Variants in FBXW10B observed in about 807,000 individuals in gnomAD.
FBXW10B encodes the protein F-box and WD repeat domain containing 10B.
chr17:15,588,181 G>A, the FBXW10B span, among the ~76,000 whole-genome samples: 1 of 152,200 alleles, frequency 6.6e-6, no homozygotes, highest in Non-Finnish European at 1.5e-5. Context: ...AAAATCCCGT[G>A]TCCATAAGTC....
chr17:15,615,602 C>T, the FBXW10B span: 246 of 1,610,990 alleles, frequency 1.5e-4, no homozygotes, highest in Non-Finnish European at 1.9e-4. Context: ...CGTGAGCCAC[C>T]GCACCTAGCC....
the FBXW10B span, among the ~76,000 whole-genome samples, chr17:15,615,090 C>T: frequency 2.9e-4 from 44 of 152,070 alleles, no homozygotes; most frequent in South Asian, 1.7e-3. Context: ...GGCACTGCAG[C>T]GGAGAGGTGC....
the FBXW10B span, chr17:15,619,596 A>G: frequency 2.0e-6 from 3 of 1,527,922 alleles, no homozygotes; most frequent in Non-Finnish European, 2.6e-6. Context: ...GGGGAAATGA[A>G]TAAATACCCC....
chr17:15,587,976 A>G, the FBXW10B span, among the ~76,000 whole-genome samples: 8 of 152,204 alleles, frequency 5.3e-5, no homozygotes, highest in East Asian at 1.5e-3. Context: ...GAAAGAATAA[A>G]TAAACATGCA....
the FBXW10B span, among the ~76,000 whole-genome samples, chr17:15,568,143 G>A: frequency 1.3e-5 from 2 of 152,186 alleles, no homozygotes; most frequent in African/African-American, 4.8e-5. Flanking sequence ...AAATAACATG[G>A]TCTTCATTCT....
the FBXW10B span, among the ~76,000 whole-genome samples, chr17:15,599,164 ACT>A: frequency 2.4e-5 from 3 of 123,486 alleles, no homozygotes; most frequent in Admixed American, 2.9e-4. Flanking sequence ...ATAGAGCGAG[ACT>A]CTGTCTCAAA....
the FBXW10B span, chr17:15,569,001 A>G: frequency 4.9e-6 from 6 of 1,214,840 alleles, no homozygotes; most frequent in South Asian, 4.2e-5. Flanking sequence ...CTTCCACTCA[A>G]CTGGCAGATA....
chr17:15,566,755 G>A, the FBXW10B span, among the ~76,000 whole-genome samples: 2 of 151,534 alleles, frequency 1.3e-5, no homozygotes, highest in Non-Finnish European at 3.0e-5. Context: ...TAGTAGAGAC[G>A]GGGTTTCACC....
the FBXW10B span, chr17:15,619,223 T>C: frequency 6.2e-7 from 1 of 1,614,020 alleles, no homozygotes; most frequent in Non-Finnish European, 8.5e-7. Context: ...TTTCCCCTCT[T>C]TCTTGCTGAG....
chr17:15,610,661 G>A, the FBXW10B span, among the ~76,000 whole-genome samples: 1 of 152,130 alleles, frequency 6.6e-6, no homozygotes, highest in Admixed American at 6.5e-5. Context: ...AAATTCATGA[G>A]ACTAGAAAGG....
the FBXW10B span, chr17:15,605,101 T>TTTC: frequency 1.3e-6 from 2 of 1,500,180 alleles, no homozygotes; most frequent in Non-Finnish European, 1.8e-6. Flanking sequence ...GAAGGTATTC[T>TTTC]AGAAGTCAGT....
chr17:15,608,307 G>A, the FBXW10B span, among the ~76,000 whole-genome samples: 19,589 of 130,926 alleles, frequency 0.15, 1,808 homozygotes, highest in East Asian at 0.31. Context: ...GACTACAAGC[G>A]TGCACCACCA....
chr17:15,604,789 G>A, the FBXW10B span, among the ~76,000 whole-genome samples: 4 of 151,630 alleles, frequency 2.6e-5, no homozygotes, highest in African/African-American at 7.3e-5. Context: ...CGCCCACCTC[G>A]GCCTCCCAAA....
the FBXW10B span, chr17:15,588,591 C>T: frequency 1.0e-5 from 4 of 388,440 alleles, no homozygotes; most frequent in Non-Finnish European, 2.0e-5. Flanking sequence ...TATATGAATC[C>T]AGAACACTCT....
the FBXW10B span, chr17:15,612,833 C>A: frequency 0.01 from 16,323 of 1,582,448 alleles, 352 homozygotes; most frequent in East Asian, 0.11. Context: ...CCTGGAAAAA[C>A]AAAAAAAAAC....
the FBXW10B span, among the ~76,000 whole-genome samples, chr17:15,591,105 G>A: frequency 6.6e-6 from 1 of 152,136 alleles, no homozygotes; most frequent in Non-Finnish European, 1.5e-5. Context: ...AGAGGCCCTT[G>A]TCACACTTCC....
chr17:15,602,600 ATT>A, the FBXW10B span, among the ~76,000 whole-genome samples: 9 of 74,378 alleles, frequency 1.2e-4, no homozygotes, highest in African/African-American at 4.6e-4. Flanking sequence ...TCATATTGAG[ATT>A]TTTTTTTTTT....
chr17:15,601,931 A>T, the FBXW10B span, among the ~76,000 whole-genome samples: 26 of 152,168 alleles, frequency 1.7e-4, no homozygotes, highest in East Asian at 3.1e-3. Flanking sequence ...GCTAGCACAG[A>T]GAAACCTTGT....
chr17:15,586,126 G>T, the FBXW10B span, among the ~76,000 whole-genome samples: 1 of 151,650 alleles, frequency 6.6e-6, no homozygotes, highest in Non-Finnish European at 1.5e-5. Flanking sequence ...CAATTGAGAC[G>T]TCTATGGTAT....
Sources: gnomAD v4.1 joint callset for allele counts (sites outside exome capture counted in the v4.1 genomes callset) on GRCh38, gnomAD v4.1.1 for gene constraint, MANE v1.5 for transcripts, NCBI Gene and HGNC (gene_info 2026-07-23, HGNC 2026-07-21) for gene names.